PTPRT: variants seen among roughly 807,000 people sequenced by gnomAD.
The protein encoded by PTPRT is receptor-type tyrosine-protein phosphatase T.
PTPRT carries 56 observed loss-of-function variants against 176.8 expected under a neutral mutation model. The ratio of observed to expected loss-of-function variants is 0.32; its 90% CI spans 0.26 to 0.40. The LOEUF is 0.40. Ranked by LOEUF, PTPRT falls within the 10% of genes least tolerant of loss-of-function variation. PTPRT has a pLI of 1.00. For synonymous variants in PTPRT, 783 were observed against 739.0 expected (o/e 1.06, Z -0.96); for missense variants, 1,540 against 1,908.2 (o/e 0.81, Z 3.60).
chr20:42,744,999 C>A (rs558628338), intron 6 of PTPRT, among the ~76,000 whole-genome samples: 78 of 152,292 alleles, frequency 5.1e-4, no homozygotes, highest in Non-Finnish European at 8.5e-4. Flanking sequence ...ACTTGGCCAG[C>A]TTTATTGGCC....
At chr20:43,115,230 C>T (rs1485279231) in intron 1 of PTPRT, among the ~76,000 whole-genome samples, 1 of 152,162 alleles carries the variant, frequency 6.6e-6, no homozygotes, top group African/African-American at 2.4e-5. Flanking sequence ...CTAGAAGGCC[C>T]CACAGGAGCT....
At chr20:42,352,869 T>A (rs1600877236) in intron 9 of PTPRT, among the ~76,000 whole-genome samples, 1 of 152,148 alleles carries the variant, frequency 6.6e-6, no homozygotes, top group East Asian at 1.9e-4. Flanking sequence ...CCACAAAAAA[T>A]TTTTAAAAAA....
intron 6 of PTPRT, among the ~76,000 whole-genome samples, chr20:42,710,277 G>A (rs1465106371): frequency 6.6e-6 from 1 of 152,186 alleles, no homozygotes; most frequent in African/African-American, 2.4e-5. Flanking sequence ...ATGGGGGAAA[G>A]GCCTTAAATC....
intron 7 of PTPRT, among the ~76,000 whole-genome samples, chr20:42,526,824 TA>T (rs1201089295): frequency 2.6e-5 from 4 of 152,124 alleles, no homozygotes; most frequent in Non-Finnish European, 2.9e-5. Context: ...CTCTCCAGTT[TA>T]TAGTAACATT....
intron 1 of PTPRT, among the ~76,000 whole-genome samples, chr20:43,127,136 C>T (rs1251307271): frequency 6.6e-6 from 1 of 152,036 alleles, no homozygotes; most frequent in Non-Finnish European, 1.5e-5. Context: ...CAACTCTAAA[C>T]ATGGCGGCCG....
intron 9 of PTPRT, among the ~76,000 whole-genome samples, chr20:42,364,073 G>A (rs946845735): frequency 6.6e-6 from 1 of 152,118 alleles, no homozygotes; most frequent in African/African-American, 2.4e-5. Flanking sequence ...AATAAATCTG[G>A]AGAATTAGGG....
intron 7 of PTPRT, among the ~76,000 whole-genome samples, chr20:42,530,724 T>C (rs1048811796): frequency 6.6e-6 from 1 of 152,192 alleles, no homozygotes; most frequent in Admixed American, 6.5e-5. Context: ...AGGCTGTCAC[T>C]TGAGGAAAAA....
intron 16 of PTPRT, among the ~76,000 whole-genome samples, chr20:42,182,198 C>T (rs908628806): frequency 6.6e-6 from 1 of 152,056 alleles, no homozygotes; most frequent in Non-Finnish European, 1.5e-5. Context: ...TTGTAGGCCA[C>T]GAGGTTAATT....
At chr20:42,711,027 T>C (rs6030429) in intron 6 of PTPRT, among the ~76,000 whole-genome samples, 34 of 152,380 alleles carry the variant, frequency 2.2e-4, no homozygotes, top group African/African-American at 7.9e-4. Context: ...TTCGGGCCAA[T>C]TTCTCCCTTC....
intron 1 of PTPRT, among the ~76,000 whole-genome samples, chr20:43,187,054 T>C (rs1462402470): frequency 6.6e-6 from 1 of 152,232 alleles, no homozygotes; most frequent in Non-Finnish European, 1.5e-5. Flanking sequence ...CTATCATTCC[T>C]TCCAAAAACC....
chr20:43,115,950 G>A (rs138497235), intron 1 of PTPRT, among the ~76,000 whole-genome samples: 74 of 152,208 alleles, frequency 4.9e-4, no homozygotes, highest in African/African-American at 1.6e-3. Flanking sequence ...AATAAACCTC[G>A]CAAGCCACTG....
rs533596181 is a variant in PTPRT at position 42,985,023 on chromosome 20, A to G, written c.89-99091T>C. On this transcript the variant is annotated intron_variant, in intron 1 of 30. Transcript: ENST00000373187. ...ATTCAGGAAGAAGGAATGAGGAATA[A>G]CCAGACATGAAGATTGAGTGAATAT... Among the ~76,000 whole-genome samples the G allele has an allele frequency of 9.2e-4, 140 of 152,346 alleles. 1 individual carries two copies. The highest frequency in any genetic ancestry group is 3.2e-3 in the African/African-American group (133 of 41,580).
chr20:42,493,256 G>C (rs747105253), intron 7 of PTPRT, among the ~76,000 whole-genome samples: 18 of 152,120 alleles, frequency 1.2e-4, no homozygotes, highest in Non-Finnish European at 2.1e-4. Context: ...GGCAGAGCTG[G>C]CATTTAAGTG....
intron 15 of PTPRT, among the ~76,000 whole-genome samples, chr20:42,222,225 C>G (rs1203222942): frequency 1.3e-5 from 2 of 152,184 alleles, no homozygotes; most frequent in Non-Finnish European, 2.9e-5. Context: ...TTTCTTCCTT[C>G]ATATGACCTG....
At chr20:42,775,507 A>G (rs2077122936) in intron 4 of PTPRT, among the ~76,000 whole-genome samples, 1 of 152,234 alleles carries the variant, frequency 6.6e-6, no homozygotes, top group South Asian at 2.1e-4. Context: ...CTAATGGCTA[A>G]CACTGAGAAA....
At chr20:42,632,210 C>A (rs974668404) in intron 7 of PTPRT, among the ~76,000 whole-genome samples, 1 of 152,074 alleles carries the variant, frequency 6.6e-6, no homozygotes, top group Non-Finnish European at 1.5e-5. Flanking sequence ...CACATGCTTT[C>A]TCCTATGCTG....
At chr20:42,131,319 G>A (rs546416677) in intron 18 of PTPRT, among the ~76,000 whole-genome samples, 68 of 152,272 alleles carry the variant, frequency 4.5e-4, no homozygotes, top group Non-Finnish European at 8.2e-4. Flanking sequence ...AGAAGCTGTA[G>A]GCCTCAAAAA....
intron 5 of PTPRT, among the ~76,000 whole-genome samples, chr20:42,758,493 C>T (rs2076869164): frequency 6.6e-6 from 1 of 152,136 alleles, no homozygotes; most frequent in Non-Finnish European, 1.5e-5. Flanking sequence ...TTGCTCCAGG[C>T]TACAGGCTAC....
chr20:42,063,944 T>C, the PTPRT span: 1 of 152,110 alleles, frequency 6.6e-6, no homozygotes, highest in Non-Finnish European at 1.5e-5. Flanking sequence ...ACATTGACAA[T>C]GTATATACTG....
Sources: gnomAD v4.1 joint callset for allele counts (sites outside exome capture counted in the v4.1 genomes callset) on GRCh38, gnomAD v4.1.1 for gene constraint, MANE v1.5 for transcripts, NCBI Gene and HGNC (gene_info 2026-07-23, HGNC 2026-07-21) for gene names.